The following CACNA2D1 variants were observed in gnomAD, a reference collection of about 807,000 sequenced individuals.
CACNA2D1 encodes voltage-dependent calcium channel subunit alpha-2/delta-1.
A neutral mutation model predicts 171.5 loss-of-function variants in CACNA2D1; 53 were observed. That is an observed-to-expected ratio of 0.31 (90% CI 0.25 to 0.39). The LOEUF is 0.39. Ranked by LOEUF, CACNA2D1 falls within the 10% of genes least tolerant of loss-of-function variation. CACNA2D1 has a pLI of 1.00. For synonymous variants in CACNA2D1, 442 were observed against 443.1 expected, an observed-to-expected ratio of 1.00 and a Z score of 0.03; for missense variants, 903 against 1,299.8, an observed-to-expected ratio of 0.69 and a Z score of 4.69.
chr7:82,401,811 A>G (rs1210795864), intron 1 of CACNA2D1, among the ~76,000 whole-genome samples: 1 of 152,226 alleles, frequency 6.6e-6, no homozygotes, highest in Non-Finnish European at 1.5e-5. Flanking sequence ...TAAAAAGGCA[A>G]AAGTTTCCAT....
At chr7:82,066,675 A>G in intron 7 of CACNA2D1, 151 bp from the exon 8 acceptor site, 1 of 1,215,112 alleles carries the variant, frequency 8.2e-7, no homozygotes, top group Non-Finnish European at 1.1e-6. Flanking sequence ...TTAAGCCCTT[A>G]TATTGCTTTA....
At chr7:82,021,708 T>TC (rs900113861) in intron 12 of CACNA2D1, among the ~76,000 whole-genome samples, 9 of 151,932 alleles carry the variant, frequency 5.9e-5, no homozygotes, top group African/African-American at 2.2e-4. Flanking sequence ...AAGAAAGCAT[T>TC]AAAATAATTA....
At chr7:82,315,523 T>C (rs943754408) in intron 3 of CACNA2D1, among the ~76,000 whole-genome samples, 16 of 148,588 alleles carry the variant, frequency 1.1e-4, no homozygotes, top group Non-Finnish European at 2.2e-4. Flanking sequence ...AATTTTCATA[T>C]TGCATCAAAA....
At chr7:82,334,636 A>G (rs2129444258) in intron 3 of CACNA2D1, among the ~76,000 whole-genome samples, 1 of 152,284 alleles carries the variant, frequency 6.6e-6, no homozygotes, top group Admixed American at 6.5e-5. Flanking sequence ...CTAAAGAATA[A>G]CTTGTTTAGC....
chr7:82,099,422 CTTTTTTTTTTTTTTTTTTTTTTTTT>C lies in CACNA2D1; in HGVS notation c.527-14547_527-14523del, dbSNP rs932080938. ...ACTCTAAAACAGGTAGCAATACCTT[CTTTTTTTTTTTTTTTTTTTTTTTTT>C]TTTTTTTTTTTTTTTTTTTTGAGAC... On this transcript the variant is annotated intron_variant, in intron 6 of 38. Transcript: ENST00000356860. Among the ~76,000 whole-genome samples the C allele has an allele frequency of 1.6e-3, 65 of 40,264 alleles. 1 individual carries two copies. The highest frequency in any genetic ancestry group is 4.3e-3 in the African/African-American group (46 of 10,602). 26.4% of individuals were successfully genotyped at this position (40,264 alleles called of 152,430 possible). A position where few individuals can be genotyped will look rare whatever the true frequency, so the allele number is the denominator to read the frequency against.
chr7:82,160,891 G>GA (rs1278945414), intron 4 of CACNA2D1, among the ~76,000 whole-genome samples: 1 of 151,910 alleles, frequency 6.6e-6, no homozygotes, highest in Non-Finnish European at 1.5e-5. Flanking sequence ...CTATTGTAGG[G>GA]AAAAAATATC....
intron 3 of CACNA2D1, among the ~76,000 whole-genome samples, chr7:82,277,658 T>TAC (rs1374463722): frequency 6.6e-6 from 1 of 151,858 alleles, no homozygotes; most frequent in Admixed American, 6.6e-5. Context: ...TGTGTGAGGA[T>TAC]ACACACACAC....
chr7:82,256,804 C>A (rs1806364937), intron 3 of CACNA2D1, among the ~76,000 whole-genome samples: 1 of 152,080 alleles, frequency 6.6e-6, no homozygotes, highest in Non-Finnish European at 1.5e-5. Context: ...ATACGAATCT[C>A]TAAGGCATTT....
rs567454230 is a variant in CACNA2D1, at chr7:82,159,381, T to C, written c.354+11169A>G. ...GCACACTTTGTAAGATATTTGAGAC[T>C]ATTCATCAAGTTTCCAAGCTACCTC... On this transcript the variant is annotated intron_variant, in intron 4 of 38. Coordinates refer to ENST00000356860, the MANE Select transcript of CACNA2D1 (RefSeq NM_000722.4). 2.2e-4 allele frequency among the ~76,000 whole-genome samples: 33 copies of C among 151,950 alleles called. 1 individual carries two copies. In the South Asian group the frequency reaches 6.9e-3, roughly 32 times the overall value.
chr7:82,073,714 CCT>C (rs1808605579), intron 7 of CACNA2D1, among the ~76,000 whole-genome samples: 1 of 152,108 alleles, frequency 6.6e-6, no homozygotes, highest in African/African-American at 2.4e-5. Flanking sequence ...GATTCTCCTG[CCT>C]CAGCCTACCG....
intron 24 of CACNA2D1, among the ~76,000 whole-genome samples, chr7:81,978,236 G>T (rs1217883636): frequency 2.6e-5 from 4 of 151,918 alleles, no homozygotes; most frequent in African/African-American, 9.7e-5. Flanking sequence ...CCCATTACTG[G>T]GTATATACCC....
At chr7:82,150,477 A>G (rs1193200799) in intron 4 of CACNA2D1, among the ~76,000 whole-genome samples, 1 of 151,928 alleles carries the variant, frequency 6.6e-6, no homozygotes, top group Admixed American at 6.6e-5. Context: ...GAAGCATGTA[A>G]AACTGTAAAA....
intron 18 of CACNA2D1, 116 bp from the exon 19 acceptor site, chr7:81,997,366 T>C: frequency 1.6e-6 from 1 of 620,790 alleles, no homozygotes; most frequent in Admixed American, 2.4e-5. Flanking sequence ...ATACAATAAT[T>C]GTATAAAGGT....
intron 15 of CACNA2D1, chr7:82,009,163 C>T (rs970755472): frequency 3.9e-5 from 6 of 152,094 alleles, no homozygotes; most frequent in South Asian, 2.1e-4. Context: ...AAGTGGCTTT[C>T]CCCTTCGCTC....
chr7:82,355,378 G>C (rs1820308003), intron 1 of CACNA2D1, among the ~76,000 whole-genome samples: 1 of 152,070 alleles, frequency 6.6e-6, no homozygotes, highest in Non-Finnish European at 1.5e-5. Context: ...ATATGCAGTG[G>C]CAAGAACACA....
At chr7:82,039,603 T>C (rs754925963) in intron 10 of CACNA2D1, among the ~76,000 whole-genome samples, 10 of 152,216 alleles carry the variant, frequency 6.6e-5, no homozygotes, top group Non-Finnish European at 1.3e-4. Context: ...TTATGATTCA[T>C]TCTATAAAGC....
intron 10 of CACNA2D1, among the ~76,000 whole-genome samples, chr7:82,055,906 A>C (rs1420258485): frequency 6.5e-5 from 8 of 123,034 alleles, no homozygotes; most frequent in African/African-American, 2.4e-4. Context: ...TAGAAGTTAA[A>C]GTATAATAAA....
At chr7:82,305,935 G>T (rs1417890423) in intron 3 of CACNA2D1, among the ~76,000 whole-genome samples, 1 of 152,116 alleles carries the variant, frequency 6.6e-6, no homozygotes, top group African/African-American at 2.4e-5. Context: ...AGATACCCAG[G>T]TGTCTATCTG....
chr7:82,320,046 CAGT>C (rs908986298), intron 3 of CACNA2D1, among the ~76,000 whole-genome samples: 9 of 151,640 alleles, frequency 5.9e-5, no homozygotes, highest in African/African-American at 2.2e-4. Context: ...TATCTGGAAT[CAGT>C]AACTGCAACT....
Sources: allele counts gnomAD v4.1 joint callset (sites outside exome capture counted in the v4.1 genomes callset), GRCh38; gene constraint gnomAD v4.1.1; transcripts MANE v1.5; gene names NCBI Gene and HGNC (gene_info 2026-07-23, HGNC 2026-07-21).